The following CD48 variants were observed in gnomAD, a reference collection of about 807,000 sequenced individuals.
CD48 encodes CD48 molecule.
CD48 carries 20 observed loss-of-function variants against 22.0 expected under a neutral mutation model. The observed-to-expected ratio is 0.91, with a 90% CI of 0.64 to 1.32. CD48 has a LOEUF of 1.32. CD48 is among the 40% of genes most tolerant of loss of function. The pLI, the probability that CD48 is intolerant of heterozygous loss-of-function variation, is 0.00. For synonymous variants in CD48, 110 were observed against 110.1 expected (o/e 1.00, Z 0.01); for missense variants, 307 against 286.5 (o/e 1.07, Z -0.52).
chr1:160,678,890 A>T lies in CD48; in HGVS notation c.*162T>A, dbSNP rs1191890585. 3 of 591,888 alleles carry T rather than the reference A, an allele frequency of 5.1e-6. No homozygotes were observed. The highest frequency in any genetic ancestry group is 1.9e-5 in the African/African-American group (1 of 53,760). The allele number at this position is 591,888 out of a possible 1,614,324, so 36.7% of individuals were successfully genotyped here. On this transcript the variant is annotated 3_prime_UTR_variant, in exon 4 of 4. Coordinates refer to ENST00000368046, the MANE Select transcript of CD48 (RefSeq NM_001778.4). ...GAAAACAACAAAGGGATATAAAATT[A>T]AATAATAACCAGTATTTAAAAGTTA...
In CD48 at chr1:160,681,287, A is replaced by G. The variant is rs1377176642; in HGVS notation, c.567T>C (p.Asn189=). The G allele has an allele frequency of 1.2e-6, 2 of 1,614,166 alleles. No homozygotes were observed. The highest frequency in any genetic ancestry group is 1.7e-6 in the Non-Finnish European group (2 of 1,180,024). The change falls in exon 3 of 4, where the codon AAT becomes AAC. Residue 189 remains asparagine, a synonymous_variant. Coordinates refer to ENST00000368046, the MANE Select transcript of CD48 (RefSeq NM_001778.4). Reference sequence around the variant, plus strand: ...CTTGGCAAGTATAACACCTGGAGTAATTATGTGGCATAAGGGTGGTTTCAA... The same window carrying G: ...CTTGGCAAGTATAACACCTGGAGTAGTTATGTGGCATAAGGGTGGTTTCAA... ...SVLETTLMPH[N]YSRCYTCQVS...
At chr1:160,682,063 G>C (rs1267032923) in intron 2 of CD48, among the ~76,000 whole-genome samples, 1 of 152,140 alleles carries the variant, frequency 6.6e-6, no homozygotes, top group Non-Finnish European at 1.5e-5. Context: ...TGCTAACTTT[G>C]GTATCTCCAT....
intron 3 of CD48, chr1:160,680,718 C>A: frequency 2.0e-6 from 2 of 1,021,060 alleles, no homozygotes; most frequent in South Asian, 4.0e-5. Context: ...GCCTCCTCGA[C>A]GGCCTCTCTC....
intron 3 of CD48, 173 bp downstream of exon 3, chr1:160,681,029 T>C: frequency 1.4e-6 from 2 of 1,476,694 alleles, no homozygotes; most frequent in Non-Finnish European, 1.8e-6. Context: ...GTAAGCTGGC[T>C]GGGAGGTGGT....
chr1:160,708,793 CT>C lies in CD48; in HGVS notation c.82+2888del, dbSNP rs1436777089. On this transcript the variant is annotated intron_variant, in intron 1 of 3. Coordinates refer to ENST00000368046, the MANE Select transcript of CD48 (RefSeq NM_001778.4). Reference sequence around the variant, plus strand: ...TCATCAAATGATGGACTTTGTGCCCCTTCACCTTGAAATTGAGTAGGCTCGG... The same window carrying C: ...TCATCAAATGATGGACTTTGTGCCCCTCACCTTGAAATTGAGTAGGCTCGG... Among the ~76,000 whole-genome samples the C allele has an allele frequency of 2.0e-5, 3 of 152,224 alleles. No individual in the cohort carries two copies. In the East Asian group the frequency reaches 5.8e-4, roughly 29 times the overall value.
In CD48 at chr1:160,711,530, C is replaced by G. The variant is rs1025109801; in HGVS notation, c.82+152G>C. ...ATTCATCAGTGCTAAGAAAGGCTCC[C>G]CAACCATGCCATGGCCATGCTATTG... On this transcript the variant is annotated intron_variant, in intron 1 of 3. Transcript: ENST00000368046. 1.6e-5 allele frequency: 10 copies of G among 625,112 alleles called. No individual in the cohort carries two copies. In the South Asian group the frequency reaches 1.8e-4, roughly 11 times the overall value. The allele number at this position is 625,112 out of a possible 1,614,324, so 38.7% of individuals were successfully genotyped here. A position where few individuals can be genotyped will look rare whatever the true frequency, so the allele number is the denominator to read the frequency against.
At chr1:160,690,828 T>G (rs1034088737) in intron 1 of CD48, among the ~76,000 whole-genome samples, 10 of 152,180 alleles carry the variant, frequency 6.6e-5, no homozygotes, top group African/African-American at 2.4e-4. Context: ...TGTGTCTGTA[T>G]AGAAAGAAGT....
At chr1:160,709,732 GATA>G (rs1662896010) in intron 1 of CD48, among the ~76,000 whole-genome samples, 4 of 152,208 alleles carry the variant, frequency 2.6e-5, no homozygotes, top group African/African-American at 9.7e-5. Flanking sequence ...TTCTCAGGAA[GATA>G]TGGATGTGTA....
rs535477388 is a variant in CD48 at position 160,685,681 on chromosome 1, T to C, written c.83-492A>G. Among the ~76,000 whole-genome samples, 208 of 152,296 alleles carry C rather than the reference T, an allele frequency of 1.4e-3. 1 individual carries two copies. The highest frequency in any genetic ancestry group is 4.8e-3 in the African/African-American group (199 of 41,540). ...AACACACAAACAAATAATCCTAATATATTATCTTGATGACTATAATAAAGG... is the reference window on the plus strand; with the variant it reads ...AACACACAAACAAATAATCCTAATACATTATCTTGATGACTATAATAAAGG... On this transcript the variant is annotated intron_variant, in intron 1 of 3. Transcript: ENST00000368046.
intron 1 of CD48, among the ~76,000 whole-genome samples, chr1:160,697,808 TACC>T (rs1463686186): frequency 1.1e-4 from 16 of 152,186 alleles, no homozygotes; most frequent in Non-Finnish European, 2.2e-4. Context: ...AGGTCAATTC[TACC>T]ACAATTGCTC....
chr1:160,681,573 C>T, intron 2 of CD48, 105 bp from the exon 3 acceptor site: 1 of 1,402,368 alleles, frequency 7.1e-7, no homozygotes, highest in Admixed American at 2.0e-5. Context: ...CTGAATGCCC[C>T]AGGAGGCAGA....
chr1:160,711,115 T>C (rs1028354955), intron 1 of CD48, among the ~76,000 whole-genome samples: 1 of 152,160 alleles, frequency 6.6e-6, no homozygotes, highest in Non-Finnish European at 1.5e-5. Flanking sequence ...CAATCAGATG[T>C]GTTAAGGTTC....
chr1:160,699,833 G>A (rs376972877), intron 1 of CD48: 35 of 151,760 alleles, frequency 2.3e-4, no homozygotes, highest in African/African-American at 6.0e-4. Context: ...AAACACCCAC[G>A]AATGATCAAT....
chr1:160,683,093 G>A (rs1420423517), intron 2 of CD48, among the ~76,000 whole-genome samples: 3 of 152,230 alleles, frequency 2.0e-5, no homozygotes, highest in Non-Finnish European at 4.4e-5. Context: ...CTACAGAGGT[G>A]ATAAAAGTTT....
Position 160,708,257 on chromosome 1 carries a change from A to G in CD48, c.82+3425T>C, listed in dbSNP as rs180986513. 2.4e-3 allele frequency among the ~76,000 whole-genome samples: 364 copies of G among 152,296 alleles called. 2 individuals are homozygous for G. Among genetic ancestry groups the G allele is most frequent in the Non-Finnish European group, 3.6e-3 (246 of 68,016 alleles). The stretch of plus-strand genomic sequence containing the variant: ...AAGTAGCTCACTGGCTAGGACATAG[A>G]CTAAGGAGGGTAGCAAGTGAGCTCA... On this transcript the variant is annotated intron_variant, in intron 1 of 3. Transcript: ENST00000368046.
intron 1 of CD48, among the ~76,000 whole-genome samples, chr1:160,711,223 A>G (rs1571078353): frequency 1.3e-5 from 2 of 152,306 alleles, no homozygotes; most frequent in Middle Eastern, 6.8e-3. Context: ...ATTTTGATCT[A>G]TCTTTTCTTT....
At chr1:160,711,530 C>A in intron 1 of CD48, 152 bp downstream of exon 1, 1 of 625,230 alleles carries the variant, frequency 1.6e-6, no homozygotes, top group South Asian at 2.0e-5. Context: ...GAAAGGCTCC[C>A]CAACCATGCC....
intron 1 of CD48, among the ~76,000 whole-genome samples, chr1:160,706,700 TG>T (rs1212409001): frequency 1.3e-5 from 2 of 152,188 alleles, no homozygotes; most frequent in Non-Finnish European, 2.9e-5. Flanking sequence ...ACTTTCTTAA[TG>T]AACTCGCTTT....
chr1:160,703,715 G>C (rs1035670959), intron 1 of CD48, among the ~76,000 whole-genome samples: 2 of 152,168 alleles, frequency 1.3e-5, no homozygotes, highest in Non-Finnish European at 2.9e-5. Flanking sequence ...ACAAGTACTG[G>C]TAGGGGCAAA....
Sources: allele counts gnomAD v4.1 joint callset (sites outside exome capture counted in the v4.1 genomes callset), GRCh38; gene constraint gnomAD v4.1.1; transcripts MANE v1.5; gene names NCBI Gene and HGNC (gene_info 2026-07-23, HGNC 2026-07-21).